Variants in MSI1 observed in about 807,000 individuals in gnomAD.
MSI1 encodes RNA-binding protein Musashi homolog 1.
Under a neutral mutation model 54.4 loss-of-function variants are expected in MSI1, and 15 were observed. The observed-to-expected ratio is 0.28, with a 90% CI of 0.18 to 0.42. The LOEUF (loss-of-function observed/expected upper bound fraction) is 0.42. MSI1 is among the 20% of genes least tolerant of loss of function. The pLI is 1.00. For synonymous variants in MSI1, 200 were observed against 196.5 expected, an observed-to-expected ratio of 1.02 and a Z score of -0.15; for missense variants, 304 against 506.0, an observed-to-expected ratio of 0.60 and a Z score of 3.83.
In MSI1 at chr12:120,342,546, A is replaced by C. The variant is rs1350092464; in HGVS notation, c.*581T>G. On this transcript the variant is annotated 3_prime_UTR_variant, in exon 15 of 15. Coordinates refer to ENST00000257552, the MANE Select transcript of MSI1 (RefSeq NM_002442.4). ...GAGGCGGCCAGGGGCCCACACCCAG[A>C]TAGACACTTTGTTCTCAGCTGGTGG... 1 of 151,584 alleles carries C rather than the reference A, an allele frequency of 6.6e-6. No individual in the cohort carries two copies. The highest frequency in any genetic ancestry group is 2.4e-5 in the African/African-American group (1 of 41,144). The allele number at this position is 151,584 out of a possible 1,614,324, so 9.4% of individuals were successfully genotyped here.
Position 120,345,577 on chromosome 12 carries a change from C to A in MSI1, c.*14G>T, listed in dbSNP as rs573652949. 1.2e-6 allele frequency: 2 copies of A among 1,613,780 alleles called. No homozygotes were observed. Among genetic ancestry groups the A allele is most frequent in the African/African-American group, 2.7e-5 (2 of 74,992 alleles). ...CCACCCCCACATCCTCACCTCCTGC[C>A]ACCGTCCCCTGCTTCAGTGGTACCC... is the stretch of plus-strand genomic sequence containing the variant. On this transcript the variant is annotated 3_prime_UTR_variant, in exon 14 of 15. Transcript: ENST00000257552.
At chr12:120,352,017 TAAA>T (rs34535893) in intron 10 of MSI1, among the ~76,000 whole-genome samples, 22 of 125,442 alleles carry the variant, frequency 1.8e-4, no homozygotes, top group Non-Finnish European at 2.1e-4. Context: ...CCTTTTTATT[TAAA>T]AAAAAAAAAA....
chr12:120,364,638 G>C, intron 5 of MSI1, 76 bp downstream of exon 5: 3 of 1,390,156 alleles, frequency 2.2e-6, no homozygotes, highest in Non-Finnish European at 2.9e-6. Flanking sequence ...ATCTTCCAGA[G>C]CAGGAAATAC....
Position 120,364,701 on chromosome 12 carries a change from T to C in MSI1, c.309+13A>G, listed in dbSNP as rs1462949590. On this transcript the variant is annotated intron_variant, in intron 5 of 14. Coordinates refer to ENST00000257552, the MANE Select transcript of MSI1 (RefSeq NM_002442.4). ...ATAGTAAGAGAGCTCCTCCCAGACA[T>C]AGACACACCTACCTTGGGCTGTGCT... 4 of 1,586,900 alleles carry C rather than the reference T, an allele frequency of 2.5e-6. No homozygotes were observed. Among genetic ancestry groups the C allele is most frequent in the Non-Finnish European group, 3.4e-6 (4 of 1,167,834 alleles).
At chr12:120,349,283 G>C (rs1874405841) in intron 11 of MSI1, among the ~76,000 whole-genome samples, 1 of 151,950 alleles carries the variant, frequency 6.6e-6, no homozygotes, top group African/African-American at 2.4e-5. Flanking sequence ...ATTTTTAGTA[G>C]AGATGGGGTT....
At chr12:120,356,636 T>TGGAC (rs1875141323) in intron 9 of MSI1, among the ~76,000 whole-genome samples, 1 of 152,172 alleles carries the variant, frequency 6.6e-6, no homozygotes. Flanking sequence ...GAGGGATGGA[T>TGGAC]GGACGAGAGA....
At chr12:120,366,692 C>G (rs1440163598) in intron 4 of MSI1, among the ~76,000 whole-genome samples, 2 of 152,156 alleles carry the variant, frequency 1.3e-5, no homozygotes, top group African/African-American at 2.4e-5. Context: ...CACAGTAAAC[C>G]TCCCTCCCAC....
At position 120,351,372 on chromosome 12, in the gene MSI1, C is replaced by T. The variant is rs766149013; in HGVS notation, c.762G>A (p.Pro254=). Residue 254 remains proline (P), a synonymous_variant, in exon 11 of 15, where the codon CCG becomes CCA. Coordinates refer to ENST00000257552, the MANE Select transcript of MSI1 (RefSeq NM_002442.4). ...PEFRVERTPL[P]SAPVLPELTA... is the part of the protein sequence containing the mutation. Reference sequence around the variant, plus strand: ...TAAGCTCGGGGAGGACTGGGGCGCTCGGGAGAGGGGTCCGCTCTACACGGA... The same window carrying T: ...TAAGCTCGGGGAGGACTGGGGCGCTTGGGAGAGGGGTCCGCTCTACACGGA... 1.9e-5 allele frequency: 30 copies of T among 1,610,626 alleles called. No homozygotes were observed. In the South Asian group the frequency reaches 2.1e-4, roughly 11 times the overall value.
At chr12:120,359,753 G>C (rs1023578952) in intron 6 of MSI1, among the ~76,000 whole-genome samples, 1 of 152,064 alleles carries the variant, frequency 6.6e-6, no homozygotes, top group African/African-American at 2.4e-5. Flanking sequence ...CCTTCCATTT[G>C]CCTGCATCTG....
At chr12:120,352,552 TCC>T (rs61360297) in intron 10 of MSI1, among the ~76,000 whole-genome samples, 71,046 of 151,790 alleles carry the variant, frequency 0.47, 18,375 homozygotes, top group South Asian at 0.63. Context: ...AGGATAAGCA[TCC>T]TTCCCCCATG....
downstream of MSI1, among the ~76,000 whole-genome samples, chr12:120,340,364 G>A (rs918215255): frequency 1.3e-5 from 2 of 152,194 alleles, no homozygotes; most frequent in African/African-American, 2.4e-5. Context: ...GAGTATAGGC[G>A]TGAGCCACCA....
chr12:120,364,685 G>T (rs768733670), intron 5 of MSI1, 29 bp downstream of exon 5: 2 of 1,567,650 alleles, frequency 1.3e-6, no homozygotes, highest in Non-Finnish European at 1.7e-6. Flanking sequence ...CATAGTAAGA[G>T]AGCTCCTCCC....
chr12:120,347,630 T>G (rs1874248704), intron 11 of MSI1, 116 bp from the exon 12 acceptor site: 2 of 1,285,592 alleles, frequency 1.6e-6, no homozygotes, highest in African/African-American at 2.9e-5. Flanking sequence ...GAGGGTTCCA[T>G]GTAGCCCCAG....
In MSI1 at chr12:120,344,592, C is replaced by T. The variant is rs181712334; in HGVS notation, c.*21+978G>A. Among the ~76,000 whole-genome samples the T allele has an allele frequency of 3.3e-5, 5 of 152,208 alleles. No homozygotes were observed. In the South Asian group the frequency reaches 8.3e-4, roughly 25 times the overall value. ...GGCATGGTGGCATGCTCTTGTGGTC[C>T]CCGCTACTTGGGAGGCTGAGGTGGA... On this transcript the variant is annotated intron_variant, in intron 14 of 14. Transcript: ENST00000257552.
At position 120,357,870 on chromosome 12, in the gene MSI1, C is replaced by T. The variant is rs151190747; in HGVS notation, c.480G>A (p.Glu160=). The T allele has an allele frequency of 1.3e-4, 204 of 1,614,168 alleles. No homozygotes were observed. The highest frequency in any genetic ancestry group is 1.6e-4 in the Non-Finnish European group (184 of 1,180,028). ...TTTCACACACTTTCTCCACGATGTCCTCACTCTCAAACGTGACAAACCCGA... is the reference window on the plus strand; with the variant it reads ...TTTCACACACTTTCTCCACGATGTCTTCACTCTCAAACGTGACAAACCCGA... ...RGFGFVTFES[E]DIVEKVCEIH... The change falls in exon 8 of 15, where the codon GAG becomes GAA. Residue 160 remains glutamate, a synonymous_variant. Transcript: ENST00000257552.
At chr12:120,341,249 G>A (rs550088486), downstream of MSI1, 2 of 152,596 alleles carry the variant, frequency 1.3e-5, no homozygotes, top group South Asian at 4.2e-4. Context: ...TAAGAGGATG[G>A]AGGTGAGTCC....
At position 120,368,790 on chromosome 12, in the gene MSI1, G is replaced by T; in HGVS notation, c.100+43C>A. 7.1e-7 allele frequency: 1 copy of T among 1,398,978 alleles called. No homozygotes were observed. The highest frequency in any genetic ancestry group is 1.5e-5 in the African/African-American group (1 of 66,656). The allele number at this position is 1,398,978 out of a possible 1,614,324, so 86.7% of individuals were successfully genotyped here. A position where few individuals can be genotyped will look rare whatever the true frequency, so the allele number is the denominator to read the frequency against. On this transcript the variant is annotated intron_variant, in intron 2 of 14. Coordinates refer to ENST00000257552, the MANE Select transcript of MSI1 (RefSeq NM_002442.4). The surrounding 1 kb of genome is among the most constrained non-coding windows in gnomAD (Gnocchi z 6.6). ...CCGGGTCCGGGGCGCCGGGGGGTCC[G>T]GGGTGCCCTGCCGGACCGGCGGGCG...
intron 7 of MSI1, among the ~76,000 whole-genome samples, chr12:120,358,777 G>A (rs1486823043): frequency 2.0e-5 from 3 of 151,488 alleles, no homozygotes; most frequent in Admixed American, 2.0e-4. Flanking sequence ...TGGGTTGCAG[G>A]GACTGGGGGG....
chr12:120,347,388 G>A (rs1371874690), intron 12 of MSI1, 58 bp downstream of exon 12: 1 of 1,601,562 alleles, frequency 6.2e-7, no homozygotes, highest in Non-Finnish European at 8.5e-7. Flanking sequence ...CCCCTCCCCT[G>A]GACTTCTCTG....
Sources: allele counts gnomAD v4.1 joint callset (sites outside exome capture counted in the v4.1 genomes callset), GRCh38; gene constraint gnomAD v4.1.1; non-coding constraint Gnocchi (gnomAD v3.1); transcripts MANE v1.5; gene names NCBI Gene and HGNC (gene_info 2026-07-23, HGNC 2026-07-21).